The following CNTN4 variants were observed in gnomAD, a reference collection of about 807,000 sequenced individuals.
The protein encoded by CNTN4 is contactin-4.
A neutral mutation model predicts 122.5 loss-of-function variants in CNTN4; 77 were observed. That is an observed-to-expected ratio of 0.63 (90% CI 0.52 to 0.76). CNTN4 has a LOEUF of 0.76. Ranked by LOEUF, CNTN4 falls within the 30% of genes least tolerant of loss-of-function variation. The probability of loss-of-function intolerance (pLI) is 0.00; values close to 1 mark genes in which losing one functional copy is unlikely to be tolerated. For synonymous variants in CNTN4, 512 were observed against 447.0 expected (o/e 1.15, Z -1.83); for missense variants, 1,256 against 1,259.1 (o/e 1.00, Z 0.04).
At chr3:2,773,214 G>A (rs150571447) in intron 6 of CNTN4, among the ~76,000 whole-genome samples, 296 of 152,234 alleles carry the variant, frequency 1.9e-3, no homozygotes, top group African/African-American at 6.8e-3. Flanking sequence ...GAAGTGCACA[G>A]CTGAAGGGAG....
At chr3:2,430,283 G>A (rs1270971809) in intron 3 of CNTN4, among the ~76,000 whole-genome samples, 8 of 151,982 alleles carry the variant, frequency 5.3e-5, no homozygotes, top group African/African-American at 9.6e-5. Flanking sequence ...TTAGCCGGGC[G>A]TGGTGGCGGG....
At chr3:2,558,789 G>C (rs1009594065) in intron 3 of CNTN4, among the ~76,000 whole-genome samples, 1 of 152,164 alleles carries the variant, frequency 6.6e-6, no homozygotes, top group Admixed American at 6.5e-5. Context: ...ATCTCAACCA[G>C]TGTAGTAAGA....
intron 3 of CNTN4, among the ~76,000 whole-genome samples, chr3:2,537,411 A>C (rs2077853605): frequency 6.6e-6 from 1 of 152,064 alleles, no homozygotes; most frequent in African/African-American, 2.4e-5. Context: ...TGTGAGAGCT[A>C]TGTCTGTGAT....
intron 3 of CNTN4, among the ~76,000 whole-genome samples, chr3:2,543,874 T>C (rs1281449803): frequency 6.6e-6 from 1 of 152,162 alleles, no homozygotes. Flanking sequence ...ACCTGGTTGA[T>C]TTCCACACAG....
intron 3 of CNTN4, among the ~76,000 whole-genome samples, chr3:2,433,576 G>T (rs1175283693): frequency 6.6e-6 from 1 of 152,044 alleles, no homozygotes; most frequent in Non-Finnish European, 1.5e-5. Flanking sequence ...ATCTGTGGTT[G>T]TCTCTTTATT....
intron 3 of CNTN4, among the ~76,000 whole-genome samples, chr3:2,530,925 G>A (rs556486690): frequency 2.0e-4 from 31 of 152,246 alleles, no homozygotes; most frequent in African/African-American, 7.5e-4. Flanking sequence ...TTTTAACTAT[G>A]TGTTGAAGCT....
At chr3:2,400,878 T>C (rs550433773) in intron 3 of CNTN4, among the ~76,000 whole-genome samples, 1 of 151,790 alleles carries the variant, frequency 6.6e-6, no homozygotes, top group South Asian at 2.1e-4. Flanking sequence ...TATAAGTATA[T>C]TATTCAAACC....
chr3:2,320,201 G>A (rs11713300), intron 2 of CNTN4, among the ~76,000 whole-genome samples: 3 of 152,082 alleles, frequency 2.0e-5, no homozygotes, highest in African/African-American at 7.2e-5. Context: ...AGAATGAGAA[G>A]TGGGGGGATT....
chr3:2,547,230 ATATTTATTTATTTATTTATT>A (rs34165597), intron 3 of CNTN4, among the ~76,000 whole-genome samples: 106 of 144,324 alleles, frequency 7.3e-4, no homozygotes, highest in East Asian at 3.1e-3. Flanking sequence ...GTTTTGTATG[ATATTTATTTATTTATTTATT>A]TATTTATTTA....
chr3:2,751,034 G>T (rs565095677), intron 6 of CNTN4, among the ~76,000 whole-genome samples: 11 of 152,298 alleles, frequency 7.2e-5, no homozygotes, highest in Non-Finnish European at 1.0e-4. Context: ...AGGCGCGATG[G>T]CTCATGCCTA....
chr3:2,196,227 A>G (rs1370393652), intron 2 of CNTN4, among the ~76,000 whole-genome samples: 1 of 152,160 alleles, frequency 6.6e-6, no homozygotes, highest in East Asian at 1.9e-4. Flanking sequence ...AAGGACTGAT[A>G]TGAGGTATGT....
intron 3 of CNTN4, among the ~76,000 whole-genome samples, chr3:2,516,328 G>A (rs1193191028): frequency 6.6e-6 from 1 of 151,918 alleles, no homozygotes; most frequent in Non-Finnish European, 1.5e-5. Context: ...ATCCATCTAT[G>A]ACCAAAATGA....
rs1396495069 is a variant in CNTN4, at chr3:2,429,578, G to A, written c.-89+90345G>A. Among the ~76,000 whole-genome samples the A allele has an allele frequency of 4.3e-4, 65 of 152,214 alleles. 1 individual carries two copies. Among genetic ancestry groups the A allele is most frequent in the Admixed American group, 4.1e-3 (63 of 15,282 alleles). On this transcript the variant is annotated intron_variant, in intron 3 of 24. Coordinates refer to ENST00000418658, the MANE Select transcript of CNTN4 (RefSeq NM_175607.3). ...TGTCCGTTCTCAGATCTCAAACTCC[G>A]TGCTGGGAGAACCACTACTCTCTTC... is the stretch of plus-strand genomic sequence containing the variant.
In CNTN4 at chr3:2,676,220, G is replaced by GT. The variant is rs111854621; in HGVS notation, c.56-59985dup. 7.6e-3 allele frequency among the ~76,000 whole-genome samples: 1,126 copies of GT among 148,058 alleles called. 14 individuals are homozygous for GT. Among genetic ancestry groups the GT allele is most frequent in the African/African-American group, 0.025 (1,019 of 40,472 alleles). ...AGCTGAAGATGTAACCGACTGAGTG[G>GT]TTTTTTTTTTGTGGTGGGGGGCACA... is the stretch of plus-strand genomic sequence containing the variant. On this transcript the variant is annotated intron_variant, in intron 4 of 24. Transcript: ENST00000418658.
At chr3:3,042,593 T>C (rs985378517) in intron 21 of CNTN4, among the ~76,000 whole-genome samples, 171 bp downstream of exon 21, 3 of 152,224 alleles carry the variant, frequency 2.0e-5, no homozygotes, top group Non-Finnish European at 4.4e-5. Context: ...GCTGTGAGAC[T>C]ACCCTTTTTC....
rs1553624972 is a variant in CNTN4, at chr3:2,736,791, T to TTTATTTATTTAC, written c.182+461_182+462insCTTATTTATTTA. On this transcript the variant is annotated intron_variant, in intron 5 of 24. Transcript: ENST00000418658. The stretch of plus-strand genomic sequence containing the variant: ...GAGCTTTTATTTATTTATTTATTTA[T>TTTATTTATTTAC]TTATTTATTTATTTATTTAGAGACG... 3.4e-3 allele frequency among the ~76,000 whole-genome samples: 512 copies of TTTATTTATTTAC among 150,538 alleles called. 6 individuals carry two copies. Among genetic ancestry groups the TTTATTTATTTAC allele is most frequent in the Middle Eastern group, 0.01 (3 of 290 alleles).
intron 2 of CNTN4, among the ~76,000 whole-genome samples, chr3:2,265,253 T>C (rs1488731739): frequency 1.3e-5 from 2 of 152,110 alleles, no homozygotes; most frequent in South Asian, 2.1e-4. Context: ...TTTATCCACT[T>C]ATTGATTGAT....
At chr3:2,390,473 A>C (rs553206341) in intron 3 of CNTN4, among the ~76,000 whole-genome samples, 2 of 152,264 alleles carry the variant, frequency 1.3e-5, no homozygotes, top group East Asian at 3.9e-4. Flanking sequence ...ACTGGTGTAC[A>C]TTCAATGTGC....
chr3:2,405,238 A>G (rs2046990722), intron 3 of CNTN4, among the ~76,000 whole-genome samples: 1 of 152,306 alleles, frequency 6.6e-6, no homozygotes, highest in East Asian at 1.9e-4. Flanking sequence ...TATGGTACAT[A>G]TATTTCCAAG....
Sources: gnomAD v4.1 joint callset for allele counts (sites outside exome capture counted in the v4.1 genomes callset) on GRCh38, gnomAD v4.1.1 for gene constraint, MANE v1.5 for transcripts, NCBI Gene and HGNC (gene_info 2026-07-23, HGNC 2026-07-21) for gene names.